Variants in NPNT observed in about 807,000 individuals in gnomAD.
NPNT encodes nephronectin, also known as preosteoblast EGF-like repeat protein with MAM domain.
In NPNT, 45 loss-of-function variants were observed where a neutral mutation model predicts 68.6. The observed-to-expected ratio is 0.66, with a 90% confidence interval of 0.52 to 0.84. The LOEUF (loss-of-function observed/expected upper bound fraction) is 0.84. Among genes scored for constraint, NPNT ranks in the 40% least tolerant of loss-of-function variants. The probability of loss-of-function intolerance (pLI) is 0.00; values close to 1 mark genes in which losing one functional copy is unlikely to be tolerated. For missense variants in NPNT, 672 were observed against 714.8 expected, an observed-to-expected ratio of 0.94 and a Z score of 0.68; for synonymous variants, 233 against 253.3, an observed-to-expected ratio of 0.92 and a Z score of 0.76.
At chr4:105,912,727 G>A (rs1342308960) in intron 2 of NPNT, 3 of 191,926 alleles carry the variant, frequency 1.6e-5, no homozygotes, top group Admixed American at 1.3e-4. Context: ...TCTTGTTTTA[G>A]GTACATAAAG....
rs779464838 is a variant in NPNT at position 105,938,271 on chromosome 4, G to A, written c.386-30G>A. The A allele has an allele frequency of 2.5e-6, 4 of 1,606,514 alleles. No homozygotes were observed. In the South Asian group the frequency reaches 4.5e-5, roughly 18 times the overall value. On this transcript the variant is annotated intron_variant, in intron 4 of 11. Coordinates refer to ENST00000379987, the MANE Select transcript of NPNT (RefSeq NM_001033047.3). ...CCATTACAGATTTTGTTTTCTACCTGTCTGAGTCAGCCAGTCACTCTCTTT... is the reference window on the plus strand; with the variant it reads ...CCATTACAGATTTTGTTTTCTACCTATCTGAGTCAGCCAGTCACTCTCTTT...
intron 4 of NPNT, among the ~76,000 whole-genome samples, 186 bp from the exon 5 acceptor site, chr4:105,938,115 A>G (rs977197824): frequency 1.3e-5 from 2 of 152,116 alleles, no homozygotes; most frequent in Non-Finnish European, 2.9e-5. Context: ...TGATAGTTTT[A>G]TATTTGTCTT....
At chr4:105,931,503 G>A (rs1441385263) in intron 3 of NPNT, among the ~76,000 whole-genome samples, 1 of 151,834 alleles carries the variant, frequency 6.6e-6, no homozygotes, top group African/African-American at 2.4e-5. Context: ...ATATTAAGGT[G>A]GTTACCTACA....
At chr4:105,897,817 A>AT in intron 1 of NPNT, 84 bp from the exon 2 acceptor site, 1 of 1,135,894 alleles carries the variant, frequency 8.8e-7, no homozygotes, top group Non-Finnish European at 1.3e-6. Flanking sequence ...TGTGGTTGAC[A>AT]TTTTTTCTGA....
chr4:105,896,574 C>T (rs889844667), intron 1 of NPNT, among the ~76,000 whole-genome samples: 1 of 152,194 alleles, frequency 6.6e-6, no homozygotes, highest in African/African-American at 2.4e-5. Context: ...AGAGGTTTTA[C>T]TCTGGCGCAC....
chr4:105,910,502 CA>C (rs71935556), intron 2 of NPNT, among the ~76,000 whole-genome samples: 21,277 of 139,886 alleles, frequency 0.15, 3,165 homozygotes, highest in African/African-American at 0.4. Context: ...GTTTATACCG[CA>C]AAAAAAAAAA....
intron 3 of NPNT, 155 bp downstream of exon 3, chr4:105,927,583 A>G (rs570095708): frequency 4.7e-5 from 19 of 402,180 alleles, no homozygotes; most frequent in Non-Finnish European, 7.6e-5. Flanking sequence ...AATGATAAAT[A>G]TTGTAAAATT....
intron 10 of NPNT, among the ~76,000 whole-genome samples, chr4:105,966,544 T>C (rs956372048): frequency 2.0e-5 from 3 of 152,170 alleles, no homozygotes; most frequent in Admixed American, 2.0e-4. Context: ...CCAAATAAAA[T>C]TGAAGCTCCA....
chr4:105,917,681 G>T (rs1302742834), intron 2 of NPNT, among the ~76,000 whole-genome samples: 1 of 152,182 alleles, frequency 6.6e-6, no homozygotes, highest in Non-Finnish European at 1.5e-5. Flanking sequence ...TCTTGGGGGT[G>T]ATATAATGGT....
chr4:105,895,534 C>G lies in NPNT; in HGVS notation c.-119C>G. On this transcript the variant is annotated 5_prime_UTR_variant, in exon 1 of 12. Coordinates refer to ENST00000379987, the MANE Select transcript of NPNT (RefSeq NM_001033047.3). ...TCCTCCGGGAGCGGCAGCAGTAGCC[C>G]GGGCGGCGAGGGCTGGGGGTTCCTC... 1 of 804,928 alleles carries G rather than the reference C, an allele frequency of 1.2e-6. No individual in the cohort carries two copies. The highest frequency in any genetic ancestry group is 1.9e-6 in the Non-Finnish European group (1 of 516,244). The allele number at this position is 804,928 out of a possible 1,614,324, so 49.9% of individuals were successfully genotyped here. A position where few individuals can be genotyped will look rare whatever the true frequency, so the allele number is the denominator to read the frequency against.
Position 105,900,831 on chromosome 4 carries a change from GTTGTTTT to G in NPNT, c.172+2833_172+2839del, listed in dbSNP as rs1328365579. 1.0e-4 allele frequency among the ~76,000 whole-genome samples: 13 copies of G among 127,790 alleles called. 1 individual carries two copies. Among genetic ancestry groups the G allele is most frequent in the African/African-American group, 3.8e-4 (12 of 31,626 alleles). 83.8% of individuals were successfully genotyped at this position (127,790 alleles called of 152,430 possible). A position where few individuals can be genotyped will look rare whatever the true frequency, so the allele number is the denominator to read the frequency against. ...AGTTCTTTTGTAGGTCATACCCTTG[GTTGTTTT>G]TTTTTTTTTTTTTTTTGATTCTTTG... On this transcript the variant is annotated intron_variant, in intron 2 of 11. Coordinates refer to ENST00000379987, the MANE Select transcript of NPNT (RefSeq NM_001033047.3).
At chr4:105,912,366 A>G in intron 2 of NPNT, 1 of 679,876 alleles carries the variant, frequency 1.5e-6, no homozygotes, top group Non-Finnish European at 2.4e-6. Flanking sequence ...TTTTTAGGAA[A>G]ACTATATTTC....
chr4:105,927,287 T>C lies in NPNT; in HGVS notation c.173-49T>C. The C allele has an allele frequency of 1.7e-6, 2 of 1,151,528 alleles. 1 individual carries two copies. The highest frequency in any genetic ancestry group is 2.6e-6 in the Non-Finnish European group (2 of 767,170). 71.3% of individuals were successfully genotyped at this position (1,151,528 alleles called of 1,614,324 possible). A position where few individuals can be genotyped will look rare whatever the true frequency, so the allele number is the denominator to read the frequency against. Reference sequence around the variant, plus strand: ...AGTGCACGACATCAATGCTATATGATTGGTGTTTCGTTGACCTAGAAATAA... The same window carrying C: ...AGTGCACGACATCAATGCTATATGACTGGTGTTTCGTTGACCTAGAAATAA... On this transcript the variant is annotated intron_variant, in intron 2 of 11. Coordinates refer to ENST00000379987, the MANE Select transcript of NPNT (RefSeq NM_001033047.3).
chr4:105,904,725 C>G (rs1204090580), intron 2 of NPNT, among the ~76,000 whole-genome samples: 2 of 152,144 alleles, frequency 1.3e-5, no homozygotes, highest in Admixed American at 1.3e-4. Flanking sequence ...CTCTGTTGCC[C>G]AGGCTGGAGT....
chr4:105,970,222 G>A lies in NPNT; in HGVS notation c.*1232G>A. On this transcript the variant is annotated 3_prime_UTR_variant, in exon 12 of 12. Coordinates refer to ENST00000379987, the MANE Select transcript of NPNT (RefSeq NM_001033047.3). ...GGGATTTACACACACTGGAGGAGCA[G>A]GGCAAGTTGGAATTCTAAGATCCAT... 1 of 564,268 alleles carries A rather than the reference G, an allele frequency of 1.8e-6. No homozygotes were observed. The highest frequency in any genetic ancestry group is 2.1e-5 in the South Asian group (1 of 48,590). The allele number at this position is 564,268 out of a possible 1,614,324, so 35.0% of individuals were successfully genotyped here. A position where few individuals can be genotyped will look rare whatever the true frequency, so the allele number is the denominator to read the frequency against.
chr4:105,924,506 T>G (rs1056068433), intron 2 of NPNT, among the ~76,000 whole-genome samples: 1 of 152,204 alleles, frequency 6.6e-6, no homozygotes, highest in Non-Finnish European at 1.5e-5. Flanking sequence ...GTTACTTCAC[T>G]GAATAGCCTA....
chr4:105,941,749 T>C (rs1343213932), intron 7 of NPNT, among the ~76,000 whole-genome samples: 1 of 152,098 alleles, frequency 6.6e-6, no homozygotes, highest in Non-Finnish European at 1.5e-5. Flanking sequence ...TAAAGGGAAA[T>C]AAAAACCGAC....
chr4:105,956,424 C>T (rs867820701), intron 8 of NPNT, among the ~76,000 whole-genome samples: 4 of 151,910 alleles, frequency 2.6e-5, no homozygotes, highest in Non-Finnish European at 4.4e-5. Context: ...TGCCAGGAAA[C>T]CTTTACATCA....
intron 5 of NPNT, among the ~76,000 whole-genome samples, chr4:105,939,659 C>T (rs1346552044): frequency 6.6e-6 from 1 of 152,038 alleles, no homozygotes; most frequent in Non-Finnish European, 1.5e-5. Context: ...CAGTCTAACC[C>T]AAGAGATGGT....
Sources: gnomAD v4.1 joint callset for allele counts (sites outside exome capture counted in the v4.1 genomes callset) on GRCh38, gnomAD v4.1.1 for gene constraint, MANE v1.5 for transcripts, NCBI Gene and HGNC (gene_info 2026-07-23, HGNC 2026-07-21) for gene names.